The following SUGCT variants were observed in gnomAD, a reference collection of about 807,000 sequenced individuals.
SUGCT encodes the protein succinyl-CoA:glutarate-CoA transferase.
Under a neutral mutation model 55.0 loss-of-function variants are expected in SUGCT, and 41 were observed. That is an observed-to-expected ratio of 0.74 (90% confidence interval 0.58 to 0.97). The LOEUF (loss-of-function observed/expected upper bound fraction) is 0.97, where lower values mean the gene tolerates loss of function less well. Ranked by LOEUF, SUGCT falls within the 50% of genes least tolerant of loss-of-function variation. The probability of loss-of-function intolerance (pLI) is 0.00; values close to 1 mark genes in which losing one functional copy is unlikely to be tolerated. For synonymous variants in SUGCT, 187 were observed against 200.4 expected (o/e 0.93, Z 0.56); for missense variants, 568 against 547.8 (o/e 1.04, Z -0.37).
intron 12 of SUGCT, among the ~76,000 whole-genome samples, chr7:40,567,958 T>C: frequency 6.6e-6 from 1 of 152,228 alleles, no homozygotes; most frequent in Non-Finnish European, 1.5e-5. Flanking sequence ...AGACACTAGC[T>C]TACATGAGGG....
intron 1 of SUGCT, among the ~76,000 whole-genome samples, chr7:40,136,158 G>A (rs1331414514): frequency 6.6e-6 from 1 of 151,210 alleles, no homozygotes; most frequent in Non-Finnish European, 1.5e-5. Flanking sequence ...CCACATGCCC[G>A]GCTAATTTTT....
rs759057618 is a variant in SUGCT at position 40,316,822 on chromosome 7, G to A, written c.783G>A (p.Trp261Ter). The A allele has an allele frequency of 1.9e-6, 3 of 1,600,018 alleles. No individual in the cohort carries two copies. The highest frequency in any genetic ancestry group is 2.7e-5 in the African/African-American group (2 of 74,720). ...TTGGTCAAAAGGAAGCAAAACGTTG[G>A]GGTACAGCTCATGGCAGTATCGTTC... ...YLIGQKEAKR[W>*]GTAHGSIVPY... The change falls in exon 9 of 14, where the codon TGG becomes TGA. Residue 261 changes from tryptophan (W) to a stop codon, truncating the protein, a stop_gained. Transcript: ENST00000335693. LOFTEE classifies it high-confidence loss of function.
the SUGCT span, among the ~76,000 whole-genome samples, chr7:40,970,859 G>A: frequency 6.6e-6 from 1 of 152,104 alleles, no homozygotes; most frequent in Non-Finnish European, 1.5e-5. Flanking sequence ...AAAGTTTAGT[G>A]AGGCCAGCAG....
intron 12 of SUGCT, among the ~76,000 whole-genome samples, chr7:40,604,751 T>G (rs1798446130): frequency 6.6e-6 from 1 of 152,174 alleles, no homozygotes; most frequent in Admixed American, 6.5e-5. Context: ...GAGTTAAAGC[T>G]TCCTTTTCCA....
At chr7:40,908,541 A>C in the SUGCT span, among the ~76,000 whole-genome samples, 1 of 152,178 alleles carries the variant, frequency 6.6e-6, no homozygotes, top group Non-Finnish European at 1.5e-5. Flanking sequence ...AAAGAAAGGC[A>C]ACATTAGAAA....
At chr7:40,452,165 A>G (rs1226080619) in intron 10 of SUGCT, among the ~76,000 whole-genome samples, 1 of 152,218 alleles carries the variant, frequency 6.6e-6, no homozygotes, top group African/African-American at 2.4e-5. Context: ...TATTGGGTTC[A>G]AGTCTGAGGT....
At chr7:40,279,244 A>G (rs1792782402) in intron 8 of SUGCT, among the ~76,000 whole-genome samples, 1 of 152,136 alleles carries the variant, frequency 6.6e-6, no homozygotes, top group African/African-American at 2.4e-5. Context: ...TAGAAGTCCC[A>G]GAAAACAAGA....
intron 12 of SUGCT, among the ~76,000 whole-genome samples, chr7:40,712,675 C>T (rs563654272): frequency 9.2e-5 from 14 of 152,206 alleles, no homozygotes; most frequent in Non-Finnish European, 1.5e-4. Flanking sequence ...AAAGGGATGT[C>T]GAATCCAACA....
At chr7:40,812,881 T>G (rs972490244) in intron 13 of SUGCT, among the ~76,000 whole-genome samples, 4 of 152,108 alleles carry the variant, frequency 2.6e-5, no homozygotes, top group Admixed American at 2.0e-4. Flanking sequence ...CTTATCACTG[T>G]TTTTGCTATG....
At chr7:40,442,668 G>A (rs1182500302) in intron 9 of SUGCT, among the ~76,000 whole-genome samples, 1 of 151,906 alleles carries the variant, frequency 6.6e-6, no homozygotes, top group Non-Finnish European at 1.5e-5. Flanking sequence ...GGCTTAATTT[G>A]GTAGTTTCCA....
chr7:41,007,538 T>C, the SUGCT span, among the ~76,000 whole-genome samples: 1 of 152,320 alleles, frequency 6.6e-6, no homozygotes, highest in South Asian at 2.1e-4. Flanking sequence ...TGCAATGCTT[T>C]GGCACTTCAT....
chr7:40,967,746 G>A, the SUGCT span, among the ~76,000 whole-genome samples: 6 of 151,914 alleles, frequency 3.9e-5, no homozygotes, highest in South Asian at 4.2e-4. Flanking sequence ...TCAGCCTCCC[G>A]AGTAGCTGGG....
intron 13 of SUGCT, among the ~76,000 whole-genome samples, chr7:40,771,802 A>C (rs1789119804): frequency 6.6e-6 from 1 of 152,194 alleles, no homozygotes; most frequent in South Asian, 2.1e-4. Context: ...TGGAAATTGT[A>C]ATGTATTACA....
chr7:40,433,890 C>G (rs1471759499), intron 9 of SUGCT, among the ~76,000 whole-genome samples: 1 of 152,130 alleles, frequency 6.6e-6, no homozygotes, highest in Non-Finnish European at 1.5e-5. Flanking sequence ...ATAATAATTA[C>G]TCACACAGAT....
intron 8 of SUGCT, among the ~76,000 whole-genome samples, chr7:40,299,618 A>G (rs1010321355): frequency 1.7e-4 from 25 of 150,270 alleles, no homozygotes; most frequent in African/African-American, 5.8e-4. Flanking sequence ...TTTATATAAA[A>G]TCTCTTGGGT....
intron 6 of SUGCT, among the ~76,000 whole-genome samples, chr7:40,218,223 A>G (rs1469103549): frequency 6.6e-6 from 1 of 152,190 alleles, no homozygotes; most frequent in Non-Finnish European, 1.5e-5. Context: ...AAAACAAAAC[A>G]AAAAAAGTAA....
At chr7:40,216,886 T>C (rs921278975) in intron 6 of SUGCT, among the ~76,000 whole-genome samples, 2 of 152,014 alleles carry the variant, frequency 1.3e-5, no homozygotes, top group African/African-American at 4.8e-5. Context: ...TGTTGTAATT[T>C]ATTAATACCC....
At chr7:40,865,086 C>T (rs191246913), downstream of SUGCT, among the ~76,000 whole-genome samples, 7 of 152,014 alleles carry the variant, frequency 4.6e-5, no homozygotes, top group East Asian at 1.4e-3. Flanking sequence ...TGAACCTCTT[C>T]CCCTCTCTCT....
chr7:40,372,314 C>A (rs903037488), intron 9 of SUGCT, among the ~76,000 whole-genome samples: 8 of 151,966 alleles, frequency 5.3e-5, no homozygotes, highest in African/African-American at 1.9e-4. Context: ...AGATCTTAGA[C>A]CCTACATCTT....
Sources: gnomAD v4.1 joint callset for allele counts (sites outside exome capture counted in the v4.1 genomes callset) on GRCh38, gnomAD v4.1.1 for gene constraint, MANE v1.5 for transcripts, NCBI Gene and HGNC (gene_info 2026-07-23, HGNC 2026-07-21) for gene names.